PNPLA7: variants seen among roughly 807,000 people sequenced by gnomAD.
PNPLA7 encodes patatin like domain 7, lysophospholipase, also known as patatin-like phospholipase domain-containing protein 7.
A neutral mutation model predicts 161.7 loss-of-function variants in PNPLA7; 153 were observed. That is an observed-to-expected ratio of 0.95 (90% CI 0.83 to 1.08). The LOEUF (loss-of-function observed/expected upper bound fraction) is 1.08. Among genes scored for constraint, PNPLA7 ranks in the 50% least tolerant of loss-of-function variants. The pLI, the probability that PNPLA7 is intolerant of heterozygous loss-of-function variation, is 0.00. For synonymous variants in PNPLA7, 809 were observed against 782.1 expected (o/e 1.03, Z -0.57); for missense variants, 1,739 against 1,856.6 (o/e 0.94, Z 1.16).
intron 11 of PNPLA7, among the ~76,000 whole-genome samples, chr9:137,518,063 A>C (rs1481866197): frequency 3.1e-5 from 2 of 63,888 alleles, no homozygotes. Context: ...CACTCACTCC[A>C]CTCTGTCCAC....
At chr9:137,494,803 G>A (rs1223799426) in intron 19 of PNPLA7, among the ~76,000 whole-genome samples, 2 of 117,278 alleles carry the variant, frequency 1.7e-5, no homozygotes, top group East Asian at 2.5e-4. Flanking sequence ...CCTCACCTGC[G>A]CCCTGCCCTC....
chr9:137,496,125 A>G (rs1833043509), intron 18 of PNPLA7, among the ~76,000 whole-genome samples: 3 of 140,488 alleles, frequency 2.1e-5, no homozygotes, highest in East Asian at 2.2e-4. Flanking sequence ...TTTCAGACGG[A>G]GTTTAGTTTT....
chr9:137,509,357 G>A (rs1386234510), intron 12 of PNPLA7: 1 of 177,724 alleles, frequency 5.6e-6, no homozygotes, highest in Non-Finnish European at 1.2e-5. Flanking sequence ...GTACGAATGA[G>A]TTTAGCTAGT....
chr9:137,502,728 C>CGGGGGGGCG (rs1833537268), intron 14 of PNPLA7, among the ~76,000 whole-genome samples: 1 of 92,272 alleles, frequency 1.1e-5, no homozygotes, highest in South Asian at 3.3e-4. Flanking sequence ...ACGCGGGGGA[C>CGGGGGGGCG]GGGGGGGACG....
chr9:137,538,381 C>A (rs778986742), intron 8 of PNPLA7, among the ~76,000 whole-genome samples: 6 of 151,894 alleles, frequency 4.0e-5, no homozygotes, highest in Admixed American at 1.3e-4. Flanking sequence ...CCCTGGACAC[C>A]CCGATGTCTG....
chr9:137,507,956 G>C (rs1238175405), intron 12 of PNPLA7, among the ~76,000 whole-genome samples: 2 of 152,172 alleles, frequency 1.3e-5, no homozygotes, highest in Non-Finnish European at 2.9e-5. Context: ...ACTTTCAGAG[G>C]CCAAGGTGGA....
chr9:137,530,247 G>A (rs552653986), intron 8 of PNPLA7, among the ~76,000 whole-genome samples: 2 of 152,376 alleles, frequency 1.3e-5, no homozygotes, highest in South Asian at 2.1e-4. Flanking sequence ...TTACAGGCGT[G>A]AGCCACCGCA....
chr9:137,530,544 C>A (rs546683898), intron 8 of PNPLA7, among the ~76,000 whole-genome samples: 1 of 152,164 alleles, frequency 6.6e-6, no homozygotes, highest in African/African-American at 2.4e-5. Flanking sequence ...TCGTGGGTGG[C>A]GGCTCCACGA....
intron 12 of PNPLA7, among the ~76,000 whole-genome samples, chr9:137,513,869 C>T (rs976363690): frequency 2.6e-5 from 4 of 152,256 alleles, no homozygotes; most frequent in South Asian, 2.1e-4. Context: ...GCAGAGAATA[C>T]GACCAGACAA....
chr9:137,532,877 C>A (rs527247674), intron 8 of PNPLA7, among the ~76,000 whole-genome samples: 15 of 152,332 alleles, frequency 9.8e-5, no homozygotes, highest in African/African-American at 3.4e-4. Flanking sequence ...GCTACGAATC[C>A]AAGAACAGTG....
At chr9:137,521,775 G>A (rs760841702) in intron 9 of PNPLA7, 59 bp from the exon 10 acceptor site, 59 of 1,472,618 alleles carry the variant, frequency 4.0e-5, no homozygotes, top group Middle Eastern at 3.5e-4. Context: ...GCGGGCCCCC[G>A]GCAGCACCAC....
chr9:137,493,352 C>T (rs1380537656), intron 19 of PNPLA7, among the ~76,000 whole-genome samples: 1 of 152,212 alleles, frequency 6.6e-6, no homozygotes, highest in African/African-American at 2.4e-5. Context: ...TCCTCTGTGA[C>T]CGTGAGCCCA....
intron 8 of PNPLA7, among the ~76,000 whole-genome samples, chr9:137,529,498 G>A (rs949954899): frequency 8.5e-5 from 13 of 152,112 alleles, no homozygotes; most frequent in Non-Finnish European, 1.8e-4. Flanking sequence ...TGTTTTAGCA[G>A]GCGATTAAGC....
At chr9:137,473,644 T>G (rs1450152672) in intron 25 of PNPLA7, among the ~76,000 whole-genome samples, 1 of 152,150 alleles carries the variant, frequency 6.6e-6, no homozygotes, top group Non-Finnish European at 1.5e-5. Context: ...AATAAAGAAC[T>G]TAAATGGATA....
At chr9:137,510,417 C>T (rs1834161061) in intron 12 of PNPLA7, among the ~76,000 whole-genome samples, 1 of 152,150 alleles carries the variant, frequency 6.6e-6, no homozygotes, top group Non-Finnish European at 1.5e-5. Context: ...ACTAATAGTC[C>T]CTGATATGCA....
intron 18 of PNPLA7, among the ~76,000 whole-genome samples, chr9:137,496,790 G>GCCC (rs1258307998): frequency 6.6e-6 from 1 of 152,200 alleles, no homozygotes; most frequent in Non-Finnish European, 1.5e-5. Flanking sequence ...GAGCTGGGCA[G>GCCC]CCCCCCACTC....
intron 23 of PNPLA7, chr9:137,479,446 G>A: frequency 7.9e-7 from 1 of 1,263,226 alleles, no homozygotes; most frequent in South Asian, 3.2e-5. Context: ...TGCTGGGCAA[G>A]GTCAGTACGG....
chr9:137,481,892 C>T (rs184282242), intron 21 of PNPLA7, among the ~76,000 whole-genome samples: 46 of 152,236 alleles, frequency 3.0e-4, no homozygotes, highest in African/African-American at 8.4e-4. Context: ...GCTGAGATCG[C>T]GCCACTGCAC....
chr9:137,469,980 G>A (rs1259797469), intron 25 of PNPLA7, among the ~76,000 whole-genome samples: 1 of 152,106 alleles, frequency 6.6e-6, no homozygotes, highest in African/African-American at 2.4e-5. Flanking sequence ...TAGAACATAT[G>A]AGTAGTACTG....
Sources: allele counts gnomAD v4.1 joint callset (sites outside exome capture counted in the v4.1 genomes callset), GRCh38; gene constraint gnomAD v4.1.1; transcripts MANE v1.5; gene names NCBI Gene and HGNC (gene_info 2026-07-23, HGNC 2026-07-21).